The following ADCY1 variants were observed in gnomAD, a reference collection of about 807,000 sequenced individuals.
ADCY1 encodes adenylate cyclase type 1.
Under a neutral mutation model 105.4 loss-of-function variants are expected in ADCY1, and 28 were observed. That is an observed-to-expected ratio of 0.27 (90% confidence interval 0.20 to 0.36). The LOEUF (loss-of-function observed/expected upper bound fraction) is 0.36, where lower values mean the gene tolerates loss of function less well. Among genes scored for constraint, ADCY1 ranks in the 10% least tolerant of loss-of-function variants. ADCY1 has a pLI of 1.00. For missense variants in ADCY1, 977 were observed against 1,434.2 expected (o/e 0.68, Z 5.15); for synonymous variants, 655 against 623.8 (o/e 1.05, Z -0.75).
In ADCY1 at chr7:45,574,695, G is replaced by A; in HGVS notation, c.152G>A (p.Gly51Asp). ...ACPELEALFR[G>D]YTLRLEQAAT... ...CCAGAGCTGGAGGCGCTGTTCCGCG[G>A]CTACACGCTGCGGCTGGAGCAGGCG... Residue 51 changes from glycine (G) to aspartate (D), a missense_variant, in exon 1 of 20, where the codon GGC becomes GAC. Coordinates refer to ENST00000297323, the MANE Select transcript of ADCY1 (RefSeq NM_021116.4). The surrounding 1 kb of genome is among the most constrained non-coding windows in gnomAD (Gnocchi z 7.0). The A allele has an allele frequency of 7.1e-7, 1 of 1,402,412 alleles. No homozygotes were observed. Among genetic ancestry groups the A allele is most frequent in the African/African-American group, 1.5e-5 (1 of 65,528 alleles). 86.9% of individuals were successfully genotyped at this position (1,402,412 alleles called of 1,614,324 possible).
intron 14 of ADCY1, among the ~76,000 whole-genome samples, chr7:45,695,100 G>A (rs939632746): frequency 1.3e-5 from 2 of 152,314 alleles, no homozygotes; most frequent in Non-Finnish European, 2.9e-5. Context: ...CTCTACATGC[G>A]GCTTGGAAAC....
chr7:45,578,522 G>A (rs1321142077), intron 1 of ADCY1, among the ~76,000 whole-genome samples: 1 of 152,196 alleles, frequency 6.6e-6, no homozygotes, highest in African/African-American at 2.4e-5. Context: ...GATCATGGGG[G>A]TGGGGTAGGG....
At chr7:45,622,375 T>C (rs1220852006) in intron 3 of ADCY1, among the ~76,000 whole-genome samples, 1 of 152,088 alleles carries the variant, frequency 6.6e-6, no homozygotes, top group East Asian at 1.9e-4. Context: ...GGGGTCAGCA[T>C]GGGGGATGGC....
At chr7:45,632,215 C>G (rs1158409151) in intron 4 of ADCY1, among the ~76,000 whole-genome samples, 3 of 152,152 alleles carry the variant, frequency 2.0e-5, no homozygotes, top group Non-Finnish European at 4.4e-5. Context: ...CACCCTGGCC[C>G]TGTAGTTTTA....
rs1272562396 is a variant in ADCY1 at position 45,686,671 on chromosome 7, C to G, written c.2452C>G (p.Gln818Glu). 1.9e-6 allele frequency: 3 copies of G among 1,604,672 alleles called. No homozygotes were observed. The highest frequency in any genetic ancestry group is 1.7e-5 in the Admixed American group (1 of 59,166). ...GAGGCTGGACTACCTCTGGGCCGCACAGGCAAGACGAGCCCTTTCTGCTTT... is the reference window on the plus strand; with the variant it reads ...GAGGCTGGACTACCTCTGGGCCGCAGAGGCAAGACGAGCCCTTTCTGCTTT... ...RLRLDYLWAA[Q>E]AEEEREDMEK... The change falls in exon 14 of 20, where the codon CAG becomes GAG. Residue 818 changes from glutamine (Q) to glutamate (E), a missense_variant and splice_region_variant. Physicochemically the swap from Gln to Glu is conservative, Grantham distance 29 (BLOSUM62 2). Transcript: ENST00000297323. The surrounding 1 kb of genome is among the most constrained non-coding windows in gnomAD (Gnocchi z 4.3).
At chr7:45,663,702 C>T (rs1043411018) in intron 8 of ADCY1, among the ~76,000 whole-genome samples, 10 of 152,232 alleles carry the variant, frequency 6.6e-5, no homozygotes, top group Middle Eastern at 3.4e-3. Context: ...GCCTGTAGTC[C>T]CAGCTACTCT....
intron 14 of ADCY1, among the ~76,000 whole-genome samples, chr7:45,701,983 G>A (rs866590287): frequency 6.6e-6 from 1 of 152,230 alleles, no homozygotes; most frequent in South Asian, 2.1e-4. Flanking sequence ...GGATCGCACT[G>A]ATTCGCTGGC....
intron 4 of ADCY1, among the ~76,000 whole-genome samples, chr7:45,631,420 G>A (rs866110720): frequency 1.6e-4 from 24 of 152,166 alleles, no homozygotes; most frequent in African/African-American, 5.6e-4. Context: ...CTAATCACTG[G>A]TACGGGCATA....
At chr7:45,670,863 C>T (rs1464057468) in intron 8 of ADCY1, among the ~76,000 whole-genome samples, 2 of 152,128 alleles carry the variant, frequency 1.3e-5, no homozygotes, top group Admixed American at 1.3e-4. Context: ...TCAGCCCTGA[C>T]CTCAAGGTGG....
chr7:45,666,028 C>T (rs1448483530), intron 8 of ADCY1, among the ~76,000 whole-genome samples: 3 of 152,182 alleles, frequency 2.0e-5, no homozygotes, highest in East Asian at 1.9e-4. Flanking sequence ...TGCTCGCTCG[C>T]ACCACTGATG....
chr7:45,638,768 G>T (rs1300688071), intron 4 of ADCY1, among the ~76,000 whole-genome samples: 3 of 151,930 alleles, frequency 2.0e-5, no homozygotes, highest in African/African-American at 7.3e-5. Context: ...AAATGCTTTG[G>T]TCTCCATAGG....
intron 14 of ADCY1, among the ~76,000 whole-genome samples, chr7:45,700,304 T>G (rs1221035053): frequency 1.3e-5 from 2 of 152,210 alleles, no homozygotes; most frequent in Non-Finnish European, 2.9e-5. Context: ...CTTGCTCTGA[T>G]CTTTCTTCGT....
At chr7:45,584,253 C>A (rs1180930033) in intron 1 of ADCY1, among the ~76,000 whole-genome samples, 3 of 152,144 alleles carry the variant, frequency 2.0e-5, no homozygotes, top group Admixed American at 6.5e-5. Flanking sequence ...CCTGAGTGCC[C>A]TTTTCTTACT....
chr7:45,678,541 A>G (rs930291461), intron 10 of ADCY1, among the ~76,000 whole-genome samples: 27 of 152,088 alleles, frequency 1.8e-4, no homozygotes, highest in African/African-American at 6.3e-4. Flanking sequence ...AAGACACAAT[A>G]TATTTTCATG....
chr7:45,679,902 T>C, intron 11 of ADCY1, 109 bp downstream of exon 11: 4 of 1,307,362 alleles, frequency 3.1e-6, no homozygotes, highest in Non-Finnish European at 4.4e-6. Context: ...GGGTGGCCTG[T>C]GTCCTATACC....
At chr7:45,704,815 C>G (rs1342606614) in intron 17 of ADCY1, among the ~76,000 whole-genome samples, 199 bp downstream of exon 17, 1 of 152,056 alleles carries the variant, frequency 6.6e-6, no homozygotes, top group East Asian at 1.9e-4. Context: ...CAGAAGGCAC[C>G]GGAGCTTCCT....
intron 2 of ADCY1, among the ~76,000 whole-genome samples, chr7:45,608,719 T>G (rs1431618984): frequency 6.6e-6 from 1 of 152,236 alleles, no homozygotes; most frequent in Non-Finnish European, 1.5e-5. Context: ...TCCTTGGAGT[T>G]CAGTATCCTG....
At chr7:45,665,195 C>T (rs994310125) in intron 8 of ADCY1, among the ~76,000 whole-genome samples, 1 of 152,200 alleles carries the variant, frequency 6.6e-6, no homozygotes, top group Non-Finnish European at 1.5e-5. Flanking sequence ...CTTAATCAAC[C>T]TCCATTGATA....
rs748918186 is a variant in ADCY1, at chr7:45,648,754, C to T, written c.1105C>T (p.His369Tyr). Reference protein sequence around the residue: ...GLTQPKTDHAHCCVEMGLDMI... With the variant: ...GLTQPKTDHAYCCVEMGLDMI... The stretch of plus-strand genomic sequence containing the variant: ...CACCCAGCCCAAGACTGACCATGCC[C>T]ACTGCTGTGTGGAGATGGGACTCGA... Residue 369 changes from histidine to tyrosine, a missense_variant, in exon 5 of 20, where the codon CAC becomes TAC. His to Tyr is a moderately conservative substitution (Grantham distance 83). Transcript: ENST00000297323. 6.2e-7 allele frequency: 1 copy of T among 1,614,170 alleles called. No homozygotes were observed. The highest frequency in any genetic ancestry group is 8.5e-7 in the Non-Finnish European group (1 of 1,180,026).
Sources: allele counts gnomAD v4.1 joint callset (sites outside exome capture counted in the v4.1 genomes callset), GRCh38; gene constraint gnomAD v4.1.1; non-coding constraint Gnocchi (gnomAD v3.1); transcripts MANE v1.5; gene names NCBI Gene and HGNC (gene_info 2026-07-23, HGNC 2026-07-21).